Variants in BCAS1 observed in about 807,000 individuals in gnomAD.
BCAS1 encodes brain enriched myelin associated protein 1, also known as breast carcinoma-amplified sequence 1.
In BCAS1, 46 loss-of-function variants were observed where a neutral mutation model predicts 65.4. The observed-to-expected ratio is 0.70, with a 90% CI of 0.55 to 0.90. The LOEUF (loss-of-function observed/expected upper bound fraction) is 0.90, where lower values mean the gene tolerates loss of function less well. Ranked by LOEUF, BCAS1 falls within the 40% of genes least tolerant of loss-of-function variation. BCAS1 has a pLI of 0.00. For synonymous variants in BCAS1, 298 were observed against 293.5 expected (o/e 1.02, Z -0.16); for missense variants, 793 against 771.2 (o/e 1.03, Z -0.33).
intron 4 of BCAS1, among the ~76,000 whole-genome samples, chr20:54,019,498 T>C (rs1355359322): frequency 6.6e-6 from 1 of 152,212 alleles, no homozygotes; most frequent in Non-Finnish European, 1.5e-5. Context: ...ATCACGCTGG[T>C]TAACATTAGG....
At chr20:54,067,941 A>G (rs1353811668) in intron 1 of BCAS1, among the ~76,000 whole-genome samples, 1 of 152,244 alleles carries the variant, frequency 6.6e-6, no homozygotes, top group Non-Finnish European at 1.5e-5. Flanking sequence ...TCTGCCCCCA[A>G]CATCAGTAAA....
chr20:53,969,084 G>T (rs1024290470), intron 9 of BCAS1, among the ~76,000 whole-genome samples: 1 of 152,108 alleles, frequency 6.6e-6, no homozygotes, highest in African/African-American at 2.4e-5. Context: ...GGTCATAGAG[G>T]ACAAGCTCCA....
At chr20:53,984,437 G>T (rs771700744) in intron 8 of BCAS1, among the ~76,000 whole-genome samples, 65 of 152,332 alleles carry the variant, frequency 4.3e-4, no homozygotes, top group Admixed American at 9.8e-4. Context: ...CCCGCATCCA[G>T]CTGGATTCTG....
At chr20:53,999,563 T>G (rs2091006134) in intron 4 of BCAS1, among the ~76,000 whole-genome samples, 1 of 152,072 alleles carries the variant, frequency 6.6e-6, no homozygotes. Flanking sequence ...TGCCCGTTTT[T>G]TTTTGTTTTA....
chr20:53,945,962 C>T (rs150246408), intron 12 of BCAS1, among the ~76,000 whole-genome samples: 5,605 of 151,958 alleles, frequency 0.037, 145 homozygotes, highest in Middle Eastern at 0.088. Context: ...TTTGTAGAGA[C>T]GGGGTCTCAA....
chr20:53,986,979 A>C (rs973826662), intron 7 of BCAS1, among the ~76,000 whole-genome samples: 11 of 152,224 alleles, frequency 7.2e-5, no homozygotes, highest in African/African-American at 2.7e-4. Flanking sequence ...GATCCAATGC[A>C]TGAATTTTCA....
chr20:54,068,241 C>T (rs527688936), intron 1 of BCAS1, among the ~76,000 whole-genome samples: 3 of 152,164 alleles, frequency 2.0e-5, no homozygotes, highest in African/African-American at 4.8e-5. Flanking sequence ...GTTTTGCTTT[C>T]GGAGTACTTA....
At chr20:54,045,202 C>T (rs1262532813) in intron 3 of BCAS1, among the ~76,000 whole-genome samples, 2 of 140,334 alleles carry the variant, frequency 1.4e-5, no homozygotes, top group Non-Finnish European at 1.5e-5. Context: ...CAGAGCAAGA[C>T]CTCATCTCAA....
At chr20:53,974,375 C>A (rs576207197) in intron 9 of BCAS1, among the ~76,000 whole-genome samples, 1 of 152,100 alleles carries the variant, frequency 6.6e-6, no homozygotes, top group Non-Finnish European at 1.5e-5. Context: ...TTGAAGTCAG[C>A]GAGACCAAGA....
At chr20:54,002,164 T>C (rs1293614648) in intron 4 of BCAS1, among the ~76,000 whole-genome samples, 1 of 152,116 alleles carries the variant, frequency 6.6e-6, no homozygotes, top group Non-Finnish European at 1.5e-5. Flanking sequence ...TGTATCTCTC[T>C]CTCTCCTCTG....
intron 1 of BCAS1, among the ~76,000 whole-genome samples, chr20:54,069,026 T>A (rs1167455591): frequency 6.6e-6 from 1 of 152,138 alleles, no homozygotes; most frequent in Non-Finnish European, 1.5e-5. Context: ...GTTCCAGAAC[T>A]CTTTGGAAAA....
chr20:53,978,046 C>A (rs1229720673), intron 8 of BCAS1, among the ~76,000 whole-genome samples: 4 of 123,404 alleles, frequency 3.2e-5, no homozygotes, highest in African/African-American at 6.1e-5. Flanking sequence ...CCCCTCCCCC[C>A]ACCCCACAAC....
chr20:54,016,470 C>T (rs1197827286), intron 4 of BCAS1, among the ~76,000 whole-genome samples: 2 of 152,168 alleles, frequency 1.3e-5, no homozygotes, highest in African/African-American at 4.8e-5. Context: ...TAAAAACATT[C>T]GACTTATTCT....
rs2089615922 is a variant in BCAS1 at position 53,954,004 on chromosome 20, G to GT, written c.1552-310dup. Among the ~76,000 whole-genome samples the GT allele has an allele frequency of 2.0e-5, 3 of 152,064 alleles. 1 individual carries two copies. Among genetic ancestry groups the GT allele is most frequent in the Middle Eastern group, 6.3e-3 (2 of 316 alleles). The stretch of plus-strand genomic sequence containing the variant: ...AACACCCTTCTTCCTCATCTACTCC[G>GT]TGTGGTCCAGGCAAACTATTTCCAC... On this transcript the variant is annotated intron_variant, in intron 11 of 12. Coordinates refer to ENST00000688948, the MANE Select transcript of BCAS1 (RefSeq NM_001366298.2).
At chr20:53,996,636 C>T (rs2090922852) in intron 4 of BCAS1, among the ~76,000 whole-genome samples, 1 of 152,134 alleles carries the variant, frequency 6.6e-6, no homozygotes. Context: ...CTTCCTTTCA[C>T]CATCTCACCT....
intron 4 of BCAS1, among the ~76,000 whole-genome samples, chr20:53,996,728 G>A (rs966207720): frequency 6.6e-6 from 1 of 151,984 alleles, no homozygotes; most frequent in Non-Finnish European, 1.5e-5. Context: ...TTGGGCTCTT[G>A]ACCCTCACAA....
chr20:53,971,894 A>T (rs997609259), intron 9 of BCAS1, among the ~76,000 whole-genome samples: 3 of 152,194 alleles, frequency 2.0e-5, no homozygotes, highest in Non-Finnish European at 4.4e-5. Flanking sequence ...TATTTTTTTT[A>T]TTACAACTGA....
At chr20:54,017,687 C>T (rs2299717) in intron 4 of BCAS1, among the ~76,000 whole-genome samples, 32,751 of 151,872 alleles carry the variant, frequency 0.22, 3,644 homozygotes, top group East Asian at 0.35. Context: ...TGAGCCACCA[C>T]GCCCGGCCAA....
Position 53,985,514 on chromosome 20 carries a change from A to AAAATGGAGG in BCAS1, c.1063-24_1063-16dup, listed in dbSNP as rs1568844971. 1 of 1,609,528 alleles carries AAAATGGAGG rather than the reference A, an allele frequency of 6.2e-7. No individual in the cohort carries two copies. Among genetic ancestry groups the AAAATGGAGG allele is most frequent in the Non-Finnish European group, 8.5e-7 (1 of 1,177,620 alleles). On this transcript the variant is annotated splice_polypyrimidine_tract_variant and intron_variant, in intron 7 of 12. Coordinates refer to ENST00000688948, the MANE Select transcript of BCAS1 (RefSeq NM_001366298.2). Reference sequence around the variant, plus strand: ...TTTTCAGCACCCTAAAGAGTTAAAAAAAATGGAGGGAAAACATTCAAAATG... The same window carrying AAAATGGAGG: ...TTTTCAGCACCCTAAAGAGTTAAAAAAAATGGAGGAAATGGAGGGAAAACATTCAAAATG...
Sources: allele counts gnomAD v4.1 joint callset (sites outside exome capture counted in the v4.1 genomes callset), GRCh38; gene constraint gnomAD v4.1.1; transcripts MANE v1.5; gene names NCBI Gene and HGNC (gene_info 2026-07-23, HGNC 2026-07-21).